The following WASHC5 variants were observed in gnomAD, a reference collection of about 807,000 sequenced individuals.
WASHC5 encodes the protein WASH complex subunit 5, also known as WASH complex subunit strumpellin.
Under a neutral mutation model 150.4 loss-of-function variants are expected in WASHC5, and 101 were observed. That is an observed-to-expected ratio of 0.67 (90% CI 0.57 to 0.79). The LOEUF is 0.79. Among genes scored for constraint, WASHC5 ranks in the 30% least tolerant of loss-of-function variants. The pLI, the probability that WASHC5 is intolerant of heterozygous loss-of-function variation, is 0.00. For missense variants in WASHC5, 1,195 were observed against 1,396.3 expected, an observed-to-expected ratio of 0.86 and a Z score of 2.30; for synonymous variants, 467 against 491.2, an observed-to-expected ratio of 0.95 and a Z score of 0.65.
chr8:125,037,556 A>G (rs1282008465), intron 25 of WASHC5, among the ~76,000 whole-genome samples: 1 of 152,190 alleles, frequency 6.6e-6, no homozygotes, highest in Admixed American at 6.5e-5. Flanking sequence ...GGAAGAAAAC[A>G]ATTTTGCTTA....
intron 9 of WASHC5, among the ~76,000 whole-genome samples, chr8:125,068,042 C>A (rs1313330757): frequency 6.6e-6 from 1 of 152,182 alleles, no homozygotes; most frequent in East Asian, 1.9e-4. Flanking sequence ...GGCAGAGCCT[C>A]CTTGTACTAC....
chr8:125,081,680 C>T lies in WASHC5; in HGVS notation c.499G>A (p.Val167Ile). ...GAATACCTGTATCGGTAGTAAGAAA[C>T]CAGCATCCTCTCTCTGACTTCTCCT... is the stretch of plus-strand genomic sequence containing the variant. ...IEGEVRERML[V>I]SYYRYSAARS... The change falls in exon 5 of 29, where the codon GTT becomes ATT. Residue 167 changes from valine (V) to isoleucine (I), a missense_variant. Physicochemically the swap from Val to Ile is conservative, Grantham distance 29. Transcript: ENST00000318410. 6.2e-7 allele frequency: 1 copy of T among 1,609,178 alleles called. No individual in the cohort carries two copies. The highest frequency in any genetic ancestry group is 8.5e-7 in the Non-Finnish European group (1 of 1,175,828).
In WASHC5 at chr8:125,050,671, T is replaced by C. The variant is rs984555140; in HGVS notation, c.2098-6A>G. 3.7e-6 allele frequency: 6 copies of C among 1,608,858 alleles called. No individual in the cohort carries two copies. The highest frequency in any genetic ancestry group is 5.1e-6 in the Non-Finnish European group (6 of 1,175,458). ...AGCAACTGCTTTGGATCCACCTAAG[T>C]GCCAATCAAAAGTATTAAATGATAG... On this transcript the variant is annotated splice_region_variant and splice_polypyrimidine_tract_variant and intron_variant, in intron 17 of 28. Transcript: ENST00000318410.
rs1817320030 is a variant in WASHC5 at position 125,083,125 on chromosome 8, A to G, written c.320T>C (p.Val107Ala). The change falls in exon 3 of 29, where the codon GTA becomes GCA. Residue 107 changes from valine (V) to alanine (A), a missense_variant. Physicochemically the swap from Val to Ala is moderately conservative, Grantham distance 64. Transcript: ENST00000318410. ...AATAGATCAATACCTGTTTAAGTCT[A>G]CAATATATTTATGTACACTTTGAAA... ...LAFQSVHKYI[V>A]DLNRYLDDLN... 4 of 1,541,884 alleles carry G rather than the reference A, an allele frequency of 2.6e-6. No individual in the cohort carries two copies. The East Asian group carries it at 9.0e-5, about 35-fold the overall frequency.
At chr8:125,026,852 G>A (rs1016859151) in intron 28 of WASHC5, among the ~76,000 whole-genome samples, 8 of 151,616 alleles carry the variant, frequency 5.3e-5, no homozygotes, top group Admixed American at 3.9e-4. Flanking sequence ...TTTAAAAAAG[G>A]ACTTGCCTAA....
intron 16 of WASHC5, among the ~76,000 whole-genome samples, chr8:125,055,929 G>GA (rs1470940578): frequency 6.6e-6 from 1 of 152,310 alleles, no homozygotes; most frequent in East Asian, 1.9e-4. Flanking sequence ...ATTTGGGGCA[G>GA]AATTCAATGA....
intron 20 of WASHC5, 199 bp from the exon 21 acceptor site, chr8:125,044,897 C>T: frequency 1.6e-6 from 1 of 631,420 alleles, no homozygotes; most frequent in Non-Finnish European, 2.9e-6. Flanking sequence ...TTCAGTCTGA[C>T]CCCCTTTTCC....
rs527422130 is a variant in WASHC5 at position 125,083,698 on chromosome 8, A to G, written c.186+15T>C. On this transcript the variant is annotated intron_variant, in intron 2 of 28. Coordinates refer to ENST00000318410, the MANE Select transcript of WASHC5 (RefSeq NM_014846.4). ...TAGAAAAGACAACAATAAAAATGCT[A>G]TAGAGGAAGATTACCTTAAAATAGC... 11 of 1,582,940 alleles carry G rather than the reference A, an allele frequency of 6.9e-6. No homozygotes were observed. Among genetic ancestry groups the G allele is most frequent in the Admixed American group, 1.7e-5 (1 of 59,676 alleles).
At chr8:125,079,436 C>A (rs972880935) in intron 5 of WASHC5, among the ~76,000 whole-genome samples, 3 of 151,844 alleles carry the variant, frequency 2.0e-5, no homozygotes, top group Admixed American at 2.0e-4. Flanking sequence ...ACTGATCCAC[C>A]CACCTTGTCC....
At position 125,078,836 on chromosome 8, in the gene WASHC5, A is replaced by G. The variant is rs1300149475; in HGVS notation, c.613T>C (p.Ser205Pro). 1.9e-6 allele frequency: 3 copies of G among 1,613,862 alleles called. No individual in the cohort carries two copies. Among genetic ancestry groups the G allele is most frequent in the African/African-American group, 2.7e-5 (2 of 74,900 alleles). ...TGGAAATAGCTCTCGGGATAGTTGG[A>G]TGGTCTTTTGGCACCTGGTTGGCTA... Reference protein sequence around the residue: ...YSSQPGAKRPSNYPESYFQRV... With the variant: ...YSSQPGAKRPPNYPESYFQRV... The change falls in exon 6 of 29, where the codon TCC becomes CCC. Residue 205 changes from serine to proline, a missense_variant. By Grantham distance (74) the Ser-to-Pro change is moderately conservative. Around this residue, in one of 3 missense-constraint regions of WASHC5, gnomAD observed 997 missense variants for 1,168.1 expected, o/e 0.85. Coordinates refer to ENST00000318410, the MANE Select transcript of WASHC5 (RefSeq NM_014846.4).
In WASHC5 at chr8:125,074,999, T is replaced by TG; in HGVS notation, c.976dup (p.Gln326ProfsTer10). 6.3e-7 allele frequency: 1 copy of TG among 1,578,002 alleles called. No homozygotes were observed. Among genetic ancestry groups the TG allele is most frequent in the Non-Finnish European group, 8.7e-7 (1 of 1,147,248 alleles). On this transcript the variant is annotated frameshift_variant and splice_region_variant, in exon 8 of 29. Transcript: ENST00000318410. LOFTEE classifies it high-confidence loss of function. Reference sequence around the variant, plus strand: ...GAATGTCCCCAGATTAGAACCTACCTGTTCTCTGACATTTGAAAGGTCCAG... The same window carrying TG: ...GAATGTCCCCAGATTAGAACCTACCTGGTTCTCTGACATTTGAAAGGTCCAG...
rs533287576 is a variant in WASHC5, at chr8:125,033,411, G to A, written c.3182-1017C>T. Among the ~76,000 whole-genome samples the A allele has an allele frequency of 7.2e-5, 11 of 152,214 alleles. No homozygotes were observed. In the South Asian group the frequency reaches 1.5e-3, roughly 20 times the overall value. ...AAACTGGATAGTCTTATGGGGGAAC[G>A]ACAAACCTTGACCCCTATCTCATAC... is the stretch of plus-strand genomic sequence containing the variant. On this transcript the variant is annotated intron_variant, in intron 26 of 28. Transcript: ENST00000318410.
chr8:125,056,341 C>T (rs1390491750), intron 16 of WASHC5, among the ~76,000 whole-genome samples: 2 of 152,114 alleles, frequency 1.3e-5, no homozygotes, highest in Non-Finnish European at 2.9e-5. Flanking sequence ...TTTTGAGCTG[C>T]TCAAAAAGGA....
At chr8:125,027,583 A>G (rs1418532613) in intron 28 of WASHC5, among the ~76,000 whole-genome samples, 3 of 152,216 alleles carry the variant, frequency 2.0e-5, no homozygotes, top group Non-Finnish European at 4.4e-5. Context: ...ACGCAAAGGC[A>G]TAAGAATTAT....
intron 10 of WASHC5, among the ~76,000 whole-genome samples, chr8:125,064,300 T>G (rs1277027885): frequency 6.6e-6 from 1 of 152,130 alleles, no homozygotes; most frequent in Admixed American, 6.5e-5. Flanking sequence ...ACTCCTGGGT[T>G]CAAGTGATCC....
chr8:125,061,076 C>T lies in WASHC5; in HGVS notation c.1521+6G>A. 1 of 1,550,518 alleles carries T rather than the reference C, an allele frequency of 6.4e-7. No individual in the cohort carries two copies. The highest frequency in any genetic ancestry group is 8.9e-7 in the Non-Finnish European group (1 of 1,122,490). The stretch of plus-strand genomic sequence containing the variant: ...AAGAACCTGCATTTAAAAAGCGTTT[C>T]CTTACCTCTTCCAAAGCTTGTATCA... On this transcript the variant is annotated splice_donor_region_variant and intron_variant, in intron 12 of 28. Transcript: ENST00000318410.
intron 28 of WASHC5, among the ~76,000 whole-genome samples, chr8:125,025,143 T>C (rs1815340166): frequency 6.6e-6 from 1 of 152,168 alleles, no homozygotes; most frequent in Admixed American, 6.5e-5. Context: ...CATGCATTCC[T>C]GAACTGTTCT....
chr8:125,076,563 A>C, intron 6 of WASHC5, 63 bp from the exon 7 acceptor site: 4 of 1,586,172 alleles, frequency 2.5e-6, no homozygotes, highest in Middle Eastern at 1.7e-4. Context: ...GACATGCTCA[A>C]ATTAAACTCT....
intron 24 of WASHC5, 69 bp from the exon 25 acceptor site, chr8:125,039,028 G>A: frequency 1.3e-6 from 2 of 1,492,460 alleles, no homozygotes; most frequent in East Asian, 2.3e-5. Context: ...TTAATATAGG[G>A]CAGTGATGTA....
Sources: allele counts gnomAD v4.1 joint callset (sites outside exome capture counted in the v4.1 genomes callset), GRCh38; gene constraint gnomAD v4.1.1; regional missense constraint gnomAD v4.1.1; transcripts MANE v1.5; gene names NCBI Gene and HGNC (gene_info 2026-07-23, HGNC 2026-07-21).